PPP6R2: variants seen among roughly 807,000 people sequenced by gnomAD.
PPP6R2 encodes protein phosphatase 6 regulatory subunit 2, also known as serine/threonine-protein phosphatase 6 regulatory subunit 2.
PPP6R2 carries 62 observed loss-of-function variants against 100.2 expected under a neutral mutation model. The observed-to-expected ratio is 0.62, with a 90% CI of 0.50 to 0.76. PPP6R2 has a LOEUF of 0.76. PPP6R2 is among the 30% of genes least tolerant of loss of function. PPP6R2 has a pLI of 0.00. For synonymous variants in PPP6R2, 525 were observed against 514.7 expected, an observed-to-expected ratio of 1.02 and a Z score of -0.27; for missense variants, 1,142 against 1,276.3, an observed-to-expected ratio of 0.89 and a Z score of 1.60.
intron 2 of PPP6R2, among the ~76,000 whole-genome samples, chr22:50,375,403 T>C (rs1036882782): frequency 3.3e-5 from 5 of 152,186 alleles, no homozygotes; most frequent in South Asian, 2.1e-4. Flanking sequence ...CATTTGCTCA[T>C]GTGGACAAAG....
chr22:50,369,826 C>G (rs2049625150), intron 1 of PPP6R2, among the ~76,000 whole-genome samples: 1 of 151,374 alleles, frequency 6.6e-6, no homozygotes, highest in Non-Finnish European at 1.5e-5. Context: ...GCCTCGAACT[C>G]CTGTGCTCAA....
At chr22:50,383,784 T>C (rs2053604509) in intron 2 of PPP6R2, among the ~76,000 whole-genome samples, 1 of 151,998 alleles carries the variant, frequency 6.6e-6, no homozygotes, top group Non-Finnish European at 1.5e-5. Context: ...TGACTGTAAT[T>C]GCAGCACTTT....
In PPP6R2 at chr22:50,437,898, A is replaced by G; in HGVS notation, c.1837A>G (p.Ser613Gly). 6.4e-7 allele frequency: 1 copy of G among 1,557,076 alleles called. No individual in the cohort carries two copies. Among genetic ancestry groups the G allele is most frequent in the Non-Finnish European group, 8.7e-7 (1 of 1,150,382 alleles). Residue 613 changes from serine (S) to glycine (G), a missense_variant and splice_region_variant, in exon 17 of 24, where the codon AGT becomes GGT. Physicochemically the swap from Ser to Gly is moderately conservative, Grantham distance 56. Coordinates refer to ENST00000612753, the MANE Select transcript of PPP6R2 (RefSeq NM_001242898.2). ...CTTCAACATCGACGCTGACGAGGAC[A>G]GTGTGAGCAAGCCGGGCTGTGTGGG... ...INFNIDADEDSPSAALFEACC... is the reference protein window; with the variant it reads ...INFNIDADEDGPSAALFEACC...
intron 6 of PPP6R2, among the ~76,000 whole-genome samples, chr22:50,416,698 C>T (rs950452573): frequency 2.0e-5 from 3 of 151,820 alleles, no homozygotes; most frequent in African/African-American, 7.3e-5. Flanking sequence ...CGCGGTGGCT[C>T]ATGCCTGTAA....
the PPP6R2 span, among the ~76,000 whole-genome samples, chr22:50,333,439 C>T: frequency 6.6e-6 from 1 of 151,898 alleles, no homozygotes; most frequent in African/African-American, 2.4e-5. Context: ...CGGGTTCACG[C>T]CATTCTCCTG....
chr22:50,385,973 G>A (rs543470836), intron 2 of PPP6R2, among the ~76,000 whole-genome samples: 93 of 148,162 alleles, frequency 6.3e-4, no homozygotes, highest in Admixed American at 2.6e-3. Context: ...ACAGGCGCTC[G>A]CCACCACGCC....
intron 2 of PPP6R2, among the ~76,000 whole-genome samples, chr22:50,392,540 T>G (rs1449829632): frequency 6.6e-6 from 1 of 152,148 alleles, no homozygotes; most frequent in African/African-American, 2.4e-5. Flanking sequence ...GCCTCACCCT[T>G]AGCTGCAGCT....
At chr22:50,441,106 CCT>C (rs1466364362) in intron 22 of PPP6R2, 80 bp downstream of exon 22, 4 of 1,229,170 alleles carry the variant, frequency 3.3e-6, no homozygotes, top group South Asian at 1.5e-5. Context: ...TCTCAGCTCC[CCT>C]GAGAGGAGGT....
In PPP6R2 at chr22:50,440,873, C is replaced by T. The variant is rs761797830; in HGVS notation, c.2426C>T (p.Pro809Leu). Residue 809 changes from proline (P) to leucine (L), a missense_variant, in exon 22 of 24, where the codon CCC (proline) becomes CTC (leucine). By Grantham distance (98) the Pro-to-Leu change is moderately conservative. Coordinates refer to ENST00000612753, the MANE Select transcript of PPP6R2 (RefSeq NM_001242898.2). ...AACGTGTGTGTCACCAGGAAGGCCC[C>T]CCTGCTGGCCTCTGACAGTAGCTCC... ...AWNVCVTRKA[P>L]LLASDSSSSG... is the part of the protein sequence containing the mutation. 4.3e-6 allele frequency: 7 copies of T among 1,613,782 alleles called. No homozygotes were observed. Among genetic ancestry groups the T allele is most frequent in the Non-Finnish European group, 5.9e-6 (7 of 1,180,018 alleles).
At chr22:50,351,817 G>T (rs1165151369) in intron 1 of PPP6R2, among the ~76,000 whole-genome samples, 1 of 150,538 alleles carries the variant, frequency 6.6e-6, no homozygotes. Flanking sequence ...TTTTTGAAAC[G>T]GAGTCTTGCT....
chr22:50,443,507 C>A, intron 22 of PPP6R2: 1 of 228,356 alleles, frequency 4.4e-6, no homozygotes, highest in Non-Finnish European at 8.6e-6. Flanking sequence ...CCCTCCCATC[C>A]CCTGGGAGGT....
the PPP6R2 span, among the ~76,000 whole-genome samples, chr22:50,337,694 G>C: frequency 7.6e-6 from 1 of 131,668 alleles, no homozygotes; most frequent in African/African-American, 3.1e-5. Flanking sequence ...TATGTGGTGT[G>C]GTGTGTGTGC....
At position 50,431,440 on chromosome 22, in the gene PPP6R2, C is replaced by G. The variant is rs1005616588; in HGVS notation, c.1335+58C>G. The G allele has an allele frequency of 6.7e-7, 1 of 1,485,640 alleles. No homozygotes were observed. Among genetic ancestry groups the G allele is most frequent in the Non-Finnish European group, 9.2e-7 (1 of 1,083,742 alleles). The allele number at this position is 1,485,640 out of a possible 1,614,324, so 92.0% of individuals were successfully genotyped here. A position where few individuals can be genotyped will look rare whatever the true frequency, so the allele number is the denominator to read the frequency against. On this transcript the variant is annotated intron_variant, in intron 11 of 23. Coordinates refer to ENST00000612753, the MANE Select transcript of PPP6R2 (RefSeq NM_001242898.2). This position sits in a 1 kb window ranked among gnomAD's most constrained non-coding sequence, Gnocchi z 4.8. ...CAACTGCGCCCCACTCAGACCGTGTCCATGTCAGCGCTGACGTGTGCCGGA... is the reference window on the plus strand; with the variant it reads ...CAACTGCGCCCCACTCAGACCGTGTGCATGTCAGCGCTGACGTGTGCCGGA...
intron 1 of PPP6R2, among the ~76,000 whole-genome samples, chr22:50,352,749 A>C (rs1424657662): frequency 1.3e-5 from 2 of 151,548 alleles, no homozygotes; most frequent in African/African-American, 4.8e-5. Context: ...ACAAAAAAAA[A>C]AAACACACAA....
At position 50,439,575 on chromosome 22, in the gene PPP6R2, C is replaced by T. The variant is rs2065136406; in HGVS notation, c.2129-126C>T. ...GGCTGACGGGCACTGCCTGGGCCTC[C>T]CTCCTGGAGCAGCCCCATCTTCCTG... On this transcript the variant is annotated intron_variant, in intron 19 of 23. Coordinates refer to ENST00000612753, the MANE Select transcript of PPP6R2 (RefSeq NM_001242898.2). 2.7e-6 allele frequency: 3 copies of T among 1,106,120 alleles called. No homozygotes were observed. The East Asian group carries it at 8.0e-5, about 29-fold the overall frequency. 68.5% of individuals were successfully genotyped at this position (1,106,120 alleles called of 1,614,324 possible). A position where few individuals can be genotyped will look rare whatever the true frequency, so the allele number is the denominator to read the frequency against.
chr22:50,422,518 C>G, intron 9 of PPP6R2, 138 bp downstream of exon 9: 1 of 1,197,050 alleles, frequency 8.4e-7, no homozygotes, highest in Non-Finnish European at 1.1e-6. Flanking sequence ...ATTCCCACAC[C>G]CCCACTTGAG....
chr22:50,404,867 C>T (rs1257736800), intron 3 of PPP6R2, among the ~76,000 whole-genome samples: 2 of 152,176 alleles, frequency 1.3e-5, no homozygotes, highest in African/African-American at 4.8e-5. Flanking sequence ...GGGCTCCTCC[C>T]CAGCATTCCC....
intron 12 of PPP6R2, among the ~76,000 whole-genome samples, chr22:50,433,123 C>T (rs551313490): frequency 6.6e-5 from 10 of 152,372 alleles, no homozygotes; most frequent in East Asian, 3.9e-4. Flanking sequence ...GCCTGCTGCA[C>T]GTGGCAGGTG....
Position 50,419,330 on chromosome 22 carries a change from C to T in PPP6R2, c.732-19C>T, listed in dbSNP as rs779201499. 9 of 1,606,144 alleles carry T rather than the reference C, an allele frequency of 5.6e-6. No individual in the cohort carries two copies. Among genetic ancestry groups the T allele is most frequent in the East Asian group, 2.2e-5 (1 of 44,816 alleles). ...TGTGTCTGCTCTGCCAGGCAGTGACCTCTGTGTGTGTCCAGCAGGCAGGAC... is the reference window on the plus strand; with the variant it reads ...TGTGTCTGCTCTGCCAGGCAGTGACTTCTGTGTGTGTCCAGCAGGCAGGAC... On this transcript the variant is annotated intron_variant, in intron 7 of 23. Coordinates refer to ENST00000612753, the MANE Select transcript of PPP6R2 (RefSeq NM_001242898.2).
Sources: gnomAD v4.1 joint callset for allele counts (sites outside exome capture counted in the v4.1 genomes callset) on GRCh38, gnomAD v4.1.1 for gene constraint, Gnocchi (gnomAD v3.1) non-coding constraint, MANE v1.5 for transcripts, NCBI Gene and HGNC (gene_info 2026-07-23, HGNC 2026-07-21) for gene names.